ROCK2: variants seen among roughly 807,000 people sequenced by gnomAD.
ROCK2 encodes Rho associated coiled-coil containing protein kinase 2, also known as rho-associated protein kinase 2.
ROCK2 carries 61 observed loss-of-function variants against 195.1 expected under a neutral mutation model. The observed-to-expected ratio is 0.31, with a 90% confidence interval of 0.25 to 0.39. The LOEUF (loss-of-function observed/expected upper bound fraction) is 0.39, where lower values mean the gene tolerates loss of function less well. Ranked by LOEUF, ROCK2 falls within the 10% of genes least tolerant of loss-of-function variation. ROCK2 has a pLI of 1.00. For synonymous variants in ROCK2, 504 were observed against 545.5 expected (o/e 0.92, Z 1.06); for missense variants, 1,109 against 1,637.4 (o/e 0.68, Z 5.57).
intron 1 of ROCK2, 60 bp downstream of exon 1, chr2:11,343,936 C>A: frequency 6.5e-7 from 1 of 1,540,408 alleles, no homozygotes; most frequent in Non-Finnish European, 8.7e-7. Flanking sequence ...GAGGGCTGGG[C>A]GGAGAGGGGA....
intron 17 of ROCK2, among the ~76,000 whole-genome samples, chr2:11,213,071 C>T (rs1664302508): frequency 6.6e-6 from 1 of 152,194 alleles, no homozygotes; most frequent in African/African-American, 2.4e-5. Context: ...ATCTAATCAA[C>T]TATTAAGTGC....
rs777387055 is a variant in ROCK2 at position 11,227,244 on chromosome 2, A to G, written c.868+10T>C. ...GCATTTTGAAAAAAGAAGTTAAAAT[A>G]TTTACTTACCCACTAGCATCTCATA... On this transcript the variant is annotated intron_variant, in intron 6 of 32. Transcript: ENST00000315872. 7 of 1,601,580 alleles carry G rather than the reference A, an allele frequency of 4.4e-6. No individual in the cohort carries two copies. The East Asian group carries it at 1.1e-4, about 26-fold the overall frequency.
intron 3 of ROCK2, among the ~76,000 whole-genome samples, chr2:11,259,758 G>C (rs1397220303): frequency 1.3e-5 from 2 of 150,996 alleles, no homozygotes; most frequent in Non-Finnish European, 2.9e-5. Flanking sequence ...TACTTTTCTT[G>C]TAAAAAAAAT....
chr2:11,322,977 AATCC>A (rs1237441312), intron 1 of ROCK2, among the ~76,000 whole-genome samples: 1 of 152,214 alleles, frequency 6.6e-6, no homozygotes, highest in African/African-American at 2.4e-5. Context: ...GACATGAAAA[AATCC>A]AAAGCAGTGC....
chr2:11,213,826 TTTA>T (rs1664333029), intron 17 of ROCK2, among the ~76,000 whole-genome samples: 1 of 152,142 alleles, frequency 6.6e-6, no homozygotes, highest in South Asian at 2.1e-4. Flanking sequence ...ATCTTTGTGC[TTTA>T]TTATTACTTT....
chr2:11,238,866 T>C (rs181217235), intron 4 of ROCK2, among the ~76,000 whole-genome samples: 79 of 152,042 alleles, frequency 5.2e-4, no homozygotes, highest in Non-Finnish European at 4.7e-4. Context: ...AAAAGATACA[T>C]AGATCGATTG....
chr2:11,291,473 C>T (rs1030652234), intron 1 of ROCK2, among the ~76,000 whole-genome samples: 2 of 152,186 alleles, frequency 1.3e-5, no homozygotes, highest in Non-Finnish European at 1.5e-5. Context: ...TCGCTTGAAC[C>T]CAGGGGGCGG....
At chr2:11,272,001 C>T (rs1234827380) in intron 3 of ROCK2, among the ~76,000 whole-genome samples, 1 of 129,988 alleles carries the variant, frequency 7.7e-6, no homozygotes, top group Non-Finnish European at 1.6e-5. Context: ...GCCTGGGAGA[C>T]AGAACGAGAC....
At chr2:11,307,636 T>C (rs1268886232) in intron 1 of ROCK2, among the ~76,000 whole-genome samples, 2 of 152,120 alleles carry the variant, frequency 1.3e-5, no homozygotes, top group Non-Finnish European at 2.9e-5. Context: ...TAAAGAGACT[T>C]CTAAATAACA....
At chr2:11,344,696 C>A, upstream of ROCK2, 1 of 149,220 alleles carries the variant, frequency 6.7e-6, no homozygotes, top group South Asian at 1.9e-4. The surrounding 1 kb of genome is among the most constrained non-coding windows in gnomAD (Gnocchi z 5.4). Context: ...GCGCGCGTCC[C>A]CGCCGGCCCT....
chr2:11,247,220 G>A (rs899810486), intron 4 of ROCK2, among the ~76,000 whole-genome samples: 10 of 151,550 alleles, frequency 6.6e-5, no homozygotes, highest in African/African-American at 2.4e-4. Flanking sequence ...GGAATTGGGG[G>A]AATAAATGCT....
At chr2:11,314,609 T>C (rs370756340) in intron 1 of ROCK2, among the ~76,000 whole-genome samples, 1 of 152,012 alleles carries the variant, frequency 6.6e-6, no homozygotes, top group Non-Finnish European at 1.5e-5. Flanking sequence ...TAGAACACTG[T>C]TGAAATCAAC....
chr2:11,329,708 A>G (rs1021966515), intron 1 of ROCK2, among the ~76,000 whole-genome samples: 1 of 151,368 alleles, frequency 6.6e-6, no homozygotes, highest in Non-Finnish European at 1.5e-5. Flanking sequence ...TACAAAAAAA[A>G]AAAATTGCTT....
intron 1 of ROCK2, among the ~76,000 whole-genome samples, chr2:11,335,316 TGAGAG>T (rs1316734738): frequency 6.6e-6 from 1 of 152,122 alleles, no homozygotes; most frequent in East Asian, 1.9e-4. Flanking sequence ...GGAGTACAGA[TGAGAG>T]GAAAGAAAAA....
Position 11,192,393 on chromosome 2 carries a change from G to C in ROCK2, c.3950-32C>G. The stretch of plus-strand genomic sequence containing the variant: ...AGAAAAATTAGAAAAAAAAATTAAT[G>C]TGCTTAAAATGATCTGAACATAACC... On this transcript the variant is annotated intron_variant, in intron 31 of 32. Coordinates refer to ENST00000315872, the MANE Select transcript of ROCK2 (RefSeq NM_004850.5). The surrounding 1 kb of genome is among the most constrained non-coding windows in gnomAD (Gnocchi z 5.0). The C allele has an allele frequency of 1.9e-6, 3 of 1,598,066 alleles. No homozygotes were observed. Among genetic ancestry groups the C allele is most frequent in the Middle Eastern group, 1.8e-4 (1 of 5,708 alleles).
intron 17 of ROCK2, among the ~76,000 whole-genome samples, chr2:11,212,073 ATTTAT>A (rs1196243400): frequency 4.6e-5 from 7 of 151,718 alleles, no homozygotes; most frequent in Admixed American, 3.9e-4. Context: ...CTCCTGGCTA[ATTTAT>A]TTTATTTTAT....
chr2:11,198,826 G>T, intron 23 of ROCK2, 52 bp from the exon 24 acceptor site: 1 of 975,580 alleles, frequency 1.0e-6, no homozygotes, highest in Non-Finnish European at 1.6e-6. Context: ...CACAATTTAT[G>T]TTATAAAATG....
chr2:11,316,300 T>C (rs1326822336), intron 1 of ROCK2, among the ~76,000 whole-genome samples: 4 of 152,202 alleles, frequency 2.6e-5, no homozygotes, highest in African/African-American at 9.6e-5. Flanking sequence ...AACACTTGTA[T>C]ATGTAACATT....
chr2:11,330,371 T>G (rs1305356376), intron 1 of ROCK2, among the ~76,000 whole-genome samples: 1 of 152,176 alleles, frequency 6.6e-6, no homozygotes, highest in Non-Finnish European at 1.5e-5. Flanking sequence ...AGCCATGAGA[T>G]AAAAATCCCA....
Sources: gnomAD v4.1 joint callset for allele counts (sites outside exome capture counted in the v4.1 genomes callset) on GRCh38, gnomAD v4.1.1 for gene constraint, Gnocchi (gnomAD v3.1) non-coding constraint, MANE v1.5 for transcripts, NCBI Gene and HGNC (gene_info 2026-07-23, HGNC 2026-07-21) for gene names.